The following LDB3 variants were observed in gnomAD, a reference collection of about 807,000 sequenced individuals.
LDB3 encodes LIM domain-binding protein 3.
Under a neutral mutation model 69.0 loss-of-function variants are expected in LDB3, and 49 were observed. That is an observed-to-expected ratio of 0.71 (90% CI 0.56 to 0.90). The LOEUF (loss-of-function observed/expected upper bound fraction) is 0.90, where lower values mean the gene tolerates loss of function less well. LDB3 is among the 40% of genes least tolerant of loss of function. The pLI, the probability that LDB3 is intolerant of heterozygous loss-of-function variation, is 0.00. For synonymous variants in LDB3, 387 were observed against 396.2 expected, an observed-to-expected ratio of 0.98 and a Z score of 0.28; for missense variants, 928 against 974.1, an observed-to-expected ratio of 0.95 and a Z score of 0.63.
At chr10:86,686,991 T>C in intron 5 of LDB3, 1 of 1,406,364 alleles carries the variant, frequency 7.1e-7, no homozygotes, top group Non-Finnish European at 1.0e-6. Context: ...AGCCCTTGCC[T>C]TGGCCACCCA....
Position 86,699,660 on chromosome 10 carries a change from G to A in LDB3, c.897-6871G>A, listed in dbSNP as rs1220318287. On this transcript the variant is annotated intron_variant, in intron 7 of 13. Coordinates refer to ENST00000361373, the MANE Select transcript of LDB3 (RefSeq NM_007078.3). This position sits in a 1 kb window ranked among gnomAD's most constrained non-coding sequence, Gnocchi z 4.9. Reference sequence around the variant, plus strand: ...CTGCCCTCTGCACAGGGCCTTAGCTGTAGACCAGAGAGGGCAGGAGGGGTT... The same window carrying A: ...CTGCCCTCTGCACAGGGCCTTAGCTATAGACCAGAGAGGGCAGGAGGGGTT... 6.2e-6 allele frequency: 8 copies of A among 1,287,016 alleles called. No individual in the cohort carries two copies. The East Asian group carries it at 1.8e-4, about 29-fold the overall frequency. The allele number at this position is 1,287,016 out of a possible 1,614,324, so 79.7% of individuals were successfully genotyped here.
intron 2 of LDB3, among the ~76,000 whole-genome samples, chr10:86,677,444 G>A (rs1439526655): frequency 2.0e-5 from 3 of 152,144 alleles, no homozygotes; most frequent in Non-Finnish European, 4.4e-5. Flanking sequence ...ATTACTGTGG[G>A]CAGGGCCACC....
At chr10:86,684,630 C>A (rs946793136) in intron 5 of LDB3, among the ~76,000 whole-genome samples, 1 of 152,234 alleles carries the variant, frequency 6.6e-6, no homozygotes, top group Non-Finnish European at 1.5e-5. Context: ...GGCCACTGTG[C>A]TGCTCCCTGG....
chr10:86,681,306 A>G (rs902791090), intron 4 of LDB3, 130 bp from the exon 5 acceptor site: 3 of 1,383,150 alleles, frequency 2.2e-6, no homozygotes, highest in Middle Eastern at 2.5e-4. Flanking sequence ...TGCTGCGCCC[A>G]GGCGCTCTGG....
chr10:86,717,737 C>T (rs1344485819), intron 10 of LDB3, among the ~76,000 whole-genome samples: 1 of 152,142 alleles, frequency 6.6e-6, no homozygotes, highest in Non-Finnish European at 1.5e-5. Flanking sequence ...TTACCCAGTC[C>T]CCTATTGGTA....
intron 2 of LDB3, among the ~76,000 whole-genome samples, chr10:86,672,501 G>A (rs993586408): frequency 1.3e-5 from 2 of 152,230 alleles, no homozygotes; most frequent in Non-Finnish European, 2.9e-5. Context: ...TTTCGGGGCC[G>A]CTGGAGCACG....
intron 2 of LDB3, among the ~76,000 whole-genome samples, chr10:86,674,468 AG>A (rs1844663201): frequency 6.6e-6 from 1 of 152,098 alleles, no homozygotes; most frequent in South Asian, 2.1e-4. Context: ...GCAAGGCGGA[AG>A]GGCTCCTGGG....
At position 86,668,774 on chromosome 10, in the gene LDB3, C is replaced by G. The variant is rs1844293701; in HGVS notation, c.83C>G (p.Thr28Ser). 6.2e-7 allele frequency: 1 copy of G among 1,612,972 alleles called. No individual in the cohort carries two copies. The highest frequency in any genetic ancestry group is 8.5e-7 in the Non-Finnish European group (1 of 1,179,778). The part of the protein sequence containing the change: ...QGGKDFNMPL[T>S]ISRITPGSKA... ...GGCAAGGACTTCAACATGCCCCTCACTATCTCCCGGGTGAGTGCACCCTGC... is the reference window on the plus strand; with the variant it reads ...GGCAAGGACTTCAACATGCCCCTCAGTATCTCCCGGGTGAGTGCACCCTGC... The change falls in exon 2 of 14, where the codon ACT (threonine) becomes AGT (serine). Residue 28 changes from threonine to serine, a missense_variant. Coordinates refer to ENST00000361373, the MANE Select transcript of LDB3 (RefSeq NM_007078.3).
intron 8 of LDB3, among the ~76,000 whole-genome samples, chr10:86,707,898 A>G (rs1564652686): frequency 6.6e-6 from 1 of 152,212 alleles, no homozygotes; most frequent in Non-Finnish European, 1.5e-5. Context: ...TCCCCTCTTT[A>G]TACCAGAATC....
intron 2 of LDB3, among the ~76,000 whole-genome samples, chr10:86,673,861 T>C (rs1844622130): frequency 6.6e-6 from 1 of 152,204 alleles, no homozygotes; most frequent in East Asian, 1.9e-4. Flanking sequence ...GAGTGAATGA[T>C]GGCCAGAAAC....
At chr10:86,687,058 C>T in intron 5 of LDB3, 1 of 1,613,598 alleles carries the variant, frequency 6.2e-7, no homozygotes, top group Non-Finnish European at 8.5e-7. Flanking sequence ...ACTCCCGCAC[C>T]CCTCCCCCAG....
At position 86,734,864 on chromosome 10, in the gene LDB3, T is replaced by G. The variant is rs1244053932; in HGVS notation, c.*1888T>G. ...TGTCAGGAGCTGCAGACAAGTACCTTGGAGCATTCTGTTATTTTTGGAAAG... is the reference window on the plus strand; with the variant it reads ...TGTCAGGAGCTGCAGACAAGTACCTGGGAGCATTCTGTTATTTTTGGAAAG... On this transcript the variant is annotated 3_prime_UTR_variant, in exon 14 of 14. Coordinates refer to ENST00000361373, the MANE Select transcript of LDB3 (RefSeq NM_007078.3). 5.9e-5 allele frequency: 9 copies of G among 152,196 alleles called. No individual in the cohort carries two copies. Among genetic ancestry groups the G allele is most frequent in the Non-Finnish European group, 7.3e-5 (5 of 68,066 alleles). The allele number at this position is 152,196 out of a possible 1,614,324, so 9.4% of individuals were successfully genotyped here.
In LDB3 at chr10:86,705,770, G is replaced by A. The variant is rs539856195; in HGVS notation, c.897-761G>A. 1.3e-4 allele frequency among the ~76,000 whole-genome samples: 20 copies of A among 152,366 alleles called. No individual in the cohort carries two copies. In the South Asian group the frequency reaches 4.1e-3, roughly 32 times the overall value. ...GACCATGTTCTTGTCACTCTTGGGT[G>A]CATGGCAAATCCTCTAGGGCACCCA... On this transcript the variant is annotated intron_variant, in intron 7 of 13. Transcript: ENST00000361373.
chr10:86,722,263 G>GT (rs1564660577), intron 12 of LDB3, among the ~76,000 whole-genome samples: 1 of 152,144 alleles, frequency 6.6e-6, no homozygotes, highest in Non-Finnish European at 1.5e-5. Flanking sequence ...CCTTTGTTTT[G>GT]TTTTGTTTTG....
rs373900602 is a variant in LDB3 at position 86,685,638 on chromosome 10, T to C, written c.689+3835T>C. Reference sequence around the variant, plus strand: ...CTCAAACTGCCCCTGGTGGAGCCTCTCTCTGACCACCCTGTCTTCTTTGCC... The same window carrying C: ...CTCAAACTGCCCCTGGTGGAGCCTCCCTCTGACCACCCTGTCTTCTTTGCC... On this transcript the variant is annotated intron_variant, in intron 5 of 13. Transcript: ENST00000361373. The C allele has an allele frequency of 1.9e-5, 31 of 1,612,936 alleles. No homozygotes were observed. In the African/African-American group the frequency reaches 2.7e-4, roughly 14 times the overall value.
chr10:86,726,292 G>A (rs915206124), intron 13 of LDB3, 40 bp downstream of exon 13: 3 of 1,544,696 alleles, frequency 1.9e-6, no homozygotes, highest in Admixed American at 3.4e-5. Flanking sequence ...CTGAGAAGAG[G>A]CAGGAGGGAG....
At chr10:86,675,792 A>G (rs10788524) in intron 2 of LDB3, among the ~76,000 whole-genome samples, 86,185 of 152,140 alleles carry the variant, frequency 0.57, 24,928 homozygotes, top group East Asian at 0.75. Flanking sequence ...GTGTTCAGGT[A>G]TACACTTTAG....
At chr10:86,682,313 A>G (rs1203208118) in intron 5 of LDB3, among the ~76,000 whole-genome samples, 1 of 152,114 alleles carries the variant, frequency 6.6e-6, no homozygotes, top group African/African-American at 2.4e-5. Flanking sequence ...CTTGAATTGT[A>G]TATGGAGAGA....
intron 5 of LDB3, among the ~76,000 whole-genome samples, chr10:86,686,729 C>A (rs894292055): frequency 6.6e-6 from 1 of 151,370 alleles, no homozygotes; most frequent in Non-Finnish European, 1.5e-5. Context: ...ATCACTTGAG[C>A]CCAAGAGGTT....
Sources: allele counts gnomAD v4.1 joint callset (sites outside exome capture counted in the v4.1 genomes callset), GRCh38; gene constraint gnomAD v4.1.1; non-coding constraint Gnocchi (gnomAD v3.1); transcripts MANE v1.5; gene names NCBI Gene and HGNC (gene_info 2026-07-23, HGNC 2026-07-21).